The following PARVB variants were observed in gnomAD, a reference collection of about 807,000 sequenced individuals.
PARVB encodes beta-parvin.
Under a neutral mutation model 47.0 loss-of-function variants are expected in PARVB, and 46 were observed. The ratio of observed to expected loss-of-function variants is 0.98; its 90% CI spans 0.77 to 1.25. The LOEUF (loss-of-function observed/expected upper bound fraction) is 1.25, where lower values mean the gene tolerates loss of function less well. Ranked by LOEUF, PARVB falls within the 50% of genes most tolerant of loss-of-function variation. PARVB has a pLI of 0.00. For synonymous variants in PARVB, 196 were observed against 196.3 expected, an observed-to-expected ratio of 1.00 and a Z score of 0.01; for missense variants, 473 against 471.6, an observed-to-expected ratio of 1.00 and a Z score of -0.03.
At chr22:44,022,140 T>G (rs1230435415), upstream of PARVB, among the ~76,000 whole-genome samples, 1 of 152,096 alleles carries the variant, frequency 6.6e-6, no homozygotes, top group African/African-American at 2.4e-5. Flanking sequence ...TCCTCCACCG[T>G]GCCTGCCTCA....
intron 2 of PARVB, among the ~76,000 whole-genome samples, chr22:44,095,301 G>C (rs1181217424): frequency 6.6e-6 from 1 of 152,082 alleles, no homozygotes; most frequent in East Asian, 1.9e-4. Flanking sequence ...TTGAGTTCAG[G>C]AGTTTGAGAT....
rs368806199 is a variant in PARVB, at chr22:44,104,391, G to A, written c.273+4268G>A. On this transcript the variant is annotated intron_variant, in intron 3 of 12. Transcript: ENST00000338758. ...TGTCGGTGGCGTGTTAGTTACTGTA[G>A]TGGTGGCACAGAGGCGATATACGTT... 18 of 152,418 alleles carry A rather than the reference G, an allele frequency of 1.2e-4. No homozygotes were observed. The East Asian group carries it at 3.3e-3, about 28-fold the overall frequency. 9.4% of individuals were successfully genotyped at this position (152,418 alleles called of 1,614,324 possible). A position where few individuals can be genotyped will look rare whatever the true frequency, so the allele number is the denominator to read the frequency against.
At position 44,003,446 on chromosome 22, in the gene PARVB, G is replaced by A. The variant is rs557268980; in HGVS notation, c.211+3773G>A. On this transcript the variant is annotated intron_variant, in intron 2 of 13. Transcript: ENST00000406477. ...TCCACCTGACTGCAGAAATCAAGTG[G>A]AATGGAATTTCCTGGGATGTTCTGT... Among the ~76,000 whole-genome samples the A allele has an allele frequency of 2.0e-5, 3 of 152,282 alleles. No individual in the cohort carries two copies. In the South Asian group the frequency reaches 6.2e-4, roughly 32 times the overall value.
Position 44,119,156 on chromosome 22 carries a change from G to T in PARVB, c.376+16G>T, listed in dbSNP as rs1459149025. 1 of 1,564,584 alleles carries T rather than the reference G, an allele frequency of 6.4e-7. No individual in the cohort carries two copies. The highest frequency in any genetic ancestry group is 1.7e-5 in the Admixed American group (1 of 59,968). On this transcript the variant is annotated intron_variant, in intron 4 of 12. Coordinates refer to ENST00000338758, the MANE Select transcript of PARVB (RefSeq NM_013327.5). ...AAGCTCTTGGGTGAGTTCACAGCAGGGACAGCTCTGTCCCACCCCCATCTC... is the reference window on the plus strand; with the variant it reads ...AAGCTCTTGGGTGAGTTCACAGCAGTGACAGCTCTGTCCCACCCCCATCTC...
chr22:44,166,258 C>T (rs932477767), intron 12 of PARVB, among the ~76,000 whole-genome samples: 9 of 152,184 alleles, frequency 5.9e-5, no homozygotes, highest in Admixed American at 4.6e-4. Flanking sequence ...TACAGGCACC[C>T]GCCACCATGC....
intron 1 of PARVB, chr22:44,086,829 G>A: frequency 1.0e-6 from 1 of 985,380 alleles, no homozygotes; most frequent in Non-Finnish European, 1.2e-6. Flanking sequence ...GAGTACGGAT[G>A]GAAGTTGGAA....
intron 3 of PARVB, chr22:44,104,965 G>A (rs1376934241): frequency 1.3e-5 from 2 of 152,312 alleles, no homozygotes; most frequent in Non-Finnish European, 2.9e-5. Context: ...TCAGCCGAGG[G>A]AAGAGTTGCC....
chr22:44,025,536 GC>G (rs2050714335), intron 1 of PARVB, among the ~76,000 whole-genome samples: 1 of 152,174 alleles, frequency 6.6e-6, no homozygotes, highest in African/African-American at 2.4e-5. Context: ...GGATGCCTGT[GC>G]CCCCAGGGAT....
intron 10 of PARVB, 109 bp downstream of exon 10, chr22:44,151,660 A>G: frequency 1.2e-6 from 1 of 836,650 alleles, no homozygotes; most frequent in South Asian, 1.4e-5. Flanking sequence ...TGTTCATCTC[A>G]CAAGGAACTC....
chr22:44,101,520 C>G (rs1372537401), intron 3 of PARVB, among the ~76,000 whole-genome samples: 1 of 152,076 alleles, frequency 6.6e-6, no homozygotes, highest in Non-Finnish European at 1.5e-5. Context: ...GAGGCCAAGG[C>G]AGGTGGATCA....
rs532784625 is a variant in PARVB, at chr22:44,146,313, A to C, written c.713-1548A>C. On this transcript the variant is annotated intron_variant, in intron 8 of 12. Coordinates refer to ENST00000338758, the MANE Select transcript of PARVB (RefSeq NM_013327.5). ...CAACCTCACACGCACACACGTGCTC[A>C]CACACGCACACATGTGCTCACGTGC... 5.8e-5 allele frequency: 8 copies of C among 137,306 alleles called. No homozygotes were observed. In the East Asian group the frequency reaches 1.9e-3, roughly 33 times the overall value. The allele number at this position is 137,306 out of a possible 1,614,324, so 8.5% of individuals were successfully genotyped here.
intron 2 of PARVB, among the ~76,000 whole-genome samples, chr22:44,098,329 C>G (rs2052357995): frequency 6.6e-6 from 1 of 152,246 alleles, no homozygotes; most frequent in Non-Finnish European, 1.5e-5. Flanking sequence ...ACACAAAGTC[C>G]TCTTTGGGGC....
intron 1 of PARVB, among the ~76,000 whole-genome samples, chr22:44,050,007 C>T (rs2051179231): frequency 6.6e-6 from 1 of 152,202 alleles, no homozygotes; most frequent in African/African-American, 2.4e-5. Flanking sequence ...TGCACCTGGA[C>T]TCGCTGTCAC....
chr22:44,062,894 G>A (rs1297757739), intron 1 of PARVB, among the ~76,000 whole-genome samples: 1 of 151,892 alleles, frequency 6.6e-6, no homozygotes, highest in Non-Finnish European at 1.5e-5. Flanking sequence ...CATCATGTAG[G>A]CATGTCTGGT....
chr22:44,124,864 A>T (rs2053153050), intron 4 of PARVB, among the ~76,000 whole-genome samples: 2 of 152,076 alleles, frequency 1.3e-5, no homozygotes, highest in South Asian at 2.1e-4. Context: ...TGCCACAAGG[A>T]TGTGAATGGG....
In PARVB at chr22:44,170,232, C is replaced by T. The variant is rs749655781; in HGVS notation, c.*1554C>T. On this transcript the variant is annotated 3_prime_UTR_variant, in exon 13 of 13. Transcript: ENST00000338758. ...CCCAGGCTGTTCTCAAACCCCTGGG[C>T]TTGAGCGACCCACCCACCTCAGCCT... The T allele has an allele frequency of 6.6e-6, 1 of 151,800 alleles. No individual in the cohort carries two copies. Among genetic ancestry groups the T allele is most frequent in the African/African-American group, 2.4e-5 (1 of 41,314 alleles). The allele number at this position is 151,800 out of a possible 1,614,324, so 9.4% of individuals were successfully genotyped here. A position where few individuals can be genotyped will look rare whatever the true frequency, so the allele number is the denominator to read the frequency against.
At chr22:44,159,062 C>T (rs945012947) in intron 11 of PARVB, among the ~76,000 whole-genome samples, 2 of 151,666 alleles carry the variant, frequency 1.3e-5, no homozygotes, top group Non-Finnish European at 2.9e-5. Context: ...CATGTTGAAT[C>T]GAGAGAGAGA....
At chr22:44,087,683 A>G (rs546083939) in intron 1 of PARVB, among the ~76,000 whole-genome samples, 71 of 151,990 alleles carry the variant, frequency 4.7e-4, no homozygotes, top group Middle Eastern at 3.4e-3. Flanking sequence ...TAAATAAATA[A>G]ATACAACCAT....
chr22:44,037,755 T>A (rs904167874), intron 1 of PARVB, among the ~76,000 whole-genome samples: 1 of 152,244 alleles, frequency 6.6e-6, no homozygotes, highest in African/African-American at 2.4e-5. Context: ...AGTAAGCTGA[T>A]GTCATTCCTG....
Sources: gnomAD v4.1 joint callset for allele counts (sites outside exome capture counted in the v4.1 genomes callset) on GRCh38, gnomAD v4.1.1 for gene constraint, MANE v1.5 for transcripts, NCBI Gene and HGNC (gene_info 2026-07-23, HGNC 2026-07-21) for gene names.